The following SLC6A17 variants were observed in gnomAD, a reference collection of about 807,000 sequenced individuals.
The protein encoded by SLC6A17 is sodium-dependent neutral amino acid transporter SLC6A17.
Under a neutral mutation model 64.5 loss-of-function variants are expected in SLC6A17, and 21 were observed. That is an observed-to-expected ratio of 0.33 (90% CI 0.23 to 0.47). The LOEUF (loss-of-function observed/expected upper bound fraction) is 0.47, where lower values mean the gene tolerates loss of function less well. Ranked by LOEUF, SLC6A17 falls within the 20% of genes least tolerant of loss-of-function variation. The pLI is 1.00. For synonymous variants in SLC6A17, 372 were observed against 399.5 expected (o/e 0.93, Z 0.82); for missense variants, 682 against 963.2 (o/e 0.71, Z 3.86).
intron 1 of SLC6A17, among the ~76,000 whole-genome samples, chr1:110,151,902 T>TGG (rs1180226110): frequency 2.0e-5 from 3 of 151,976 alleles, no homozygotes; most frequent in Non-Finnish European, 4.4e-5. Flanking sequence ...GGGGGTGGGT[T>TGG]GGGGAGACAG....
intron 2 of SLC6A17, 72 bp downstream of exon 2, chr1:110,167,287 C>G: frequency 6.5e-7 from 1 of 1,526,728 alleles, no homozygotes; most frequent in Non-Finnish European, 8.8e-7. Context: ...AAAAGAACAC[C>G]CCTTTGCTGA....
At position 110,168,793 on chromosome 1, in the gene SLC6A17, A is replaced by G. The variant is rs544199737; in HGVS notation, c.286+1578A>G. ...GTGATGAATTCCAGAATCCCTTTCTATGCCACACACAAGCACTCACACCCA... is the reference window on the plus strand; with the variant it reads ...GTGATGAATTCCAGAATCCCTTTCTGTGCCACACACAAGCACTCACACCCA... On this transcript the variant is annotated intron_variant, in intron 2 of 11. Coordinates refer to ENST00000331565, the MANE Select transcript of SLC6A17 (RefSeq NM_001010898.4). Among the ~76,000 whole-genome samples, 6 of 152,306 alleles carry G rather than the reference A, an allele frequency of 3.9e-5. No individual in the cohort carries two copies. In the East Asian group the frequency reaches 7.7e-4, roughly 20 times the overall value.
rs1430887308 is a variant in SLC6A17, at chr1:110,192,760, G to A, written c.1299+62G>A. 14 of 1,534,532 alleles carry A rather than the reference G, an allele frequency of 9.1e-6. No individual in the cohort carries two copies. Among genetic ancestry groups the A allele is most frequent in the African/African-American group, 2.8e-5 (2 of 72,668 alleles). On this transcript the variant is annotated intron_variant, in intron 8 of 11. Transcript: ENST00000331565. This position sits in a 1 kb window ranked among gnomAD's most constrained non-coding sequence, Gnocchi z 4.3. The stretch of plus-strand genomic sequence containing the variant: ...AACCCAGAGAGCAGCTGTGGCCGGC[G>A]GGAGCTTGGGCTCAGGCCTCAGGAT...
intron 6 of SLC6A17, among the ~76,000 whole-genome samples, chr1:110,177,078 G>T (rs1656396095): frequency 6.6e-6 from 1 of 152,196 alleles, no homozygotes; most frequent in Non-Finnish European, 1.5e-5. Flanking sequence ...AAAACACTGG[G>T]CGTGCTTGAG....
intron 6 of SLC6A17, among the ~76,000 whole-genome samples, chr1:110,182,411 G>A (rs1656554013): frequency 6.6e-6 from 1 of 152,166 alleles, no homozygotes; most frequent in Admixed American, 6.5e-5. Context: ...TGAGGAGGCA[G>A]TTGGATGTAT....
Position 110,192,765 on chromosome 1 carries a change from C to T in SLC6A17, c.1299+67C>T. 2 of 1,523,888 alleles carry T rather than the reference C, an allele frequency of 1.3e-6. No individual in the cohort carries two copies. Among genetic ancestry groups the T allele is most frequent in the Non-Finnish European group, 1.8e-6 (2 of 1,130,478 alleles). The allele number at this position is 1,523,888 out of a possible 1,614,324, so 94.4% of individuals were successfully genotyped here. A position where few individuals can be genotyped will look rare whatever the true frequency, so the allele number is the denominator to read the frequency against. The stretch of plus-strand genomic sequence containing the variant: ...AGAGAGCAGCTGTGGCCGGCGGGAG[C>T]TTGGGCTCAGGCCTCAGGATGCTGA... On this transcript the variant is annotated intron_variant, in intron 8 of 11. Transcript: ENST00000331565. The surrounding 1 kb of genome is among the most constrained non-coding windows in gnomAD (Gnocchi z 4.3).
chr1:110,153,394 T>C (rs1655659370), intron 1 of SLC6A17, among the ~76,000 whole-genome samples: 1 of 152,164 alleles, frequency 6.6e-6, no homozygotes. Flanking sequence ...TCTCCGTCTA[T>C]AAAATGTCCA....
At chr1:110,197,624 A>G in intron 11 of SLC6A17, 25 bp downstream of exon 11, 2 of 1,565,786 alleles carry the variant, frequency 1.3e-6, no homozygotes, top group Non-Finnish European at 1.7e-6. Context: ...CCCAAACCCC[A>G]GGGACATTTG....
At chr1:110,176,360 G>A (rs1399391360) in intron 5 of SLC6A17, among the ~76,000 whole-genome samples, 2 of 152,146 alleles carry the variant, frequency 1.3e-5, no homozygotes, top group African/African-American at 4.8e-5. Flanking sequence ...CCTCTGGGGT[G>A]AGGAGGCTGT....
chr1:110,168,944 T>C (rs941931609), intron 2 of SLC6A17, among the ~76,000 whole-genome samples: 29 of 152,258 alleles, frequency 1.9e-4, no homozygotes, highest in Admixed American at 1.6e-3. Flanking sequence ...CCATTCCACA[T>C]TCCTGCCTTC....
intron 1 of SLC6A17, among the ~76,000 whole-genome samples, chr1:110,154,390 A>G (rs1428294051): frequency 6.6e-6 from 1 of 152,212 alleles, no homozygotes; most frequent in Non-Finnish European, 1.5e-5. Flanking sequence ...CTGACAACCT[A>G]GGCATTTACC....
rs534393551 is a variant in SLC6A17 at position 110,198,906 on chromosome 1, C to T, written c.*462C>T. The T allele has an allele frequency of 1.2e-5, 2 of 161,042 alleles. No individual in the cohort carries two copies. Among genetic ancestry groups the T allele is most frequent in the South Asian group, 3.7e-4 (2 of 5,402 alleles). 10.0% of individuals were successfully genotyped at this position (161,042 alleles called of 1,614,324 possible). A position where few individuals can be genotyped will look rare whatever the true frequency, so the allele number is the denominator to read the frequency against. On this transcript the variant is annotated 3_prime_UTR_variant, in exon 12 of 12. Coordinates refer to ENST00000331565, the MANE Select transcript of SLC6A17 (RefSeq NM_001010898.4). ...GGCTCACTCTGCCATGAGAACAGGA[C>T]ACCATCCTGCCCAGCCCAGACGGGG... is the stretch of plus-strand genomic sequence containing the variant.
intron 2 of SLC6A17, chr1:110,168,293 G>A (rs1179430997): frequency 6.6e-6 from 1 of 152,198 alleles, no homozygotes; most frequent in African/African-American, 2.4e-5. Flanking sequence ...TGGAACTCTT[G>A]CCATGTAACC....
At chr1:110,177,720 C>G (rs1301339436) in intron 6 of SLC6A17, 1 of 152,292 alleles carries the variant, frequency 6.6e-6, no homozygotes, top group Admixed American at 6.5e-5. Context: ...CCTCAGTGTT[C>G]ATTGGTGCCA....
At chr1:110,168,003 G>C (rs954428099) in intron 2 of SLC6A17, 10 of 152,198 alleles carry the variant, frequency 6.6e-5, no homozygotes, top group Admixed American at 3.9e-4. Flanking sequence ...CCCTCTTGAG[G>C]ATGTTGCCCC....
chr1:110,184,713 G>C (rs1049048394), intron 6 of SLC6A17, among the ~76,000 whole-genome samples: 1 of 152,196 alleles, frequency 6.6e-6, no homozygotes, highest in African/African-American at 2.4e-5. Context: ...AGTGTGGAGA[G>C]TTCCATGACC....
intron 1 of SLC6A17, among the ~76,000 whole-genome samples, chr1:110,166,615 G>A (rs372955653): frequency 7.9e-5 from 12 of 152,280 alleles, no homozygotes; most frequent in African/African-American, 2.6e-4. Context: ...GCCCCTTTAG[G>A]TTTACTTTTC....
intron 1 of SLC6A17, 68 bp from the exon 2 acceptor site, chr1:110,166,775 G>C: frequency 1.1e-6 from 1 of 945,360 alleles, no homozygotes; most frequent in South Asian, 1.9e-5. Context: ...TTTGGGTTGT[G>C]TCCACGTTGG....
At chr1:110,196,405 C>T (rs564509490) in intron 10 of SLC6A17, among the ~76,000 whole-genome samples, 100 of 152,320 alleles carry the variant, frequency 6.6e-4, no homozygotes, top group Non-Finnish European at 9.1e-4. Flanking sequence ...CTCCCTGATG[C>T]CTGGACCTGG....
Sources: gnomAD v4.1 joint callset for allele counts (sites outside exome capture counted in the v4.1 genomes callset) on GRCh38, gnomAD v4.1.1 for gene constraint, Gnocchi (gnomAD v3.1) non-coding constraint, MANE v1.5 for transcripts, NCBI Gene and HGNC (gene_info 2026-07-23, HGNC 2026-07-21) for gene names.